Variants in HIPK2 observed in about 807,000 individuals in gnomAD.
The protein encoded by HIPK2 is homeodomain interacting protein kinase 2.
In HIPK2, 27 loss-of-function variants were observed where a neutral mutation model predicts 113.7. The ratio of observed to expected loss-of-function variants is 0.24; its 90% CI spans 0.17 to 0.33. HIPK2 has a LOEUF of 0.33. HIPK2 is among the 10% of genes least tolerant of loss of function. The pLI is 1.00. For missense variants in HIPK2, 1,257 were observed against 1,588.0 expected, an observed-to-expected ratio of 0.79 and a Z score of 3.54; for synonymous variants, 631 against 642.2, an observed-to-expected ratio of 0.98 and a Z score of 0.26.
At chr7:139,773,038 G>A (rs10228830) in intron 1 of HIPK2, among the ~76,000 whole-genome samples, 15,569 of 152,064 alleles carry the variant, frequency 0.1, 2,631 homozygotes, top group African/African-American at 0.36. Flanking sequence ...TGTAAAGTCA[G>A]GGACAGGGAT....
At chr7:139,645,676 A>T (rs529509994) in intron 2 of HIPK2, among the ~76,000 whole-genome samples, 2 of 152,180 alleles carry the variant, frequency 1.3e-5, no homozygotes, top group Non-Finnish European at 2.9e-5. Flanking sequence ...GAGGGGAGCC[A>T]GGTGGATGAG....
At chr7:139,737,232 G>T (rs984495634) in intron 1 of HIPK2, among the ~76,000 whole-genome samples, 1 of 152,188 alleles carries the variant, frequency 6.6e-6, no homozygotes, top group South Asian at 2.1e-4. Flanking sequence ...ACAAAAAGGT[G>T]GGAGGACGTA....
chr7:139,561,619 C>T lies in HIPK2; in HGVS notation c.*11308G>A, dbSNP rs900494262. The T allele has an allele frequency of 2.0e-5, 3 of 152,108 alleles. No individual in the cohort carries two copies. Among genetic ancestry groups the T allele is most frequent in the African/African-American group, 4.8e-5 (2 of 41,412 alleles). The allele number at this position is 152,108 out of a possible 1,614,324, so 9.4% of individuals were successfully genotyped here. Reference sequence around the variant, plus strand: ...GTAATTCCAAGACAAAGTGTGATTACATTTCTACACATATACAATATGCAT... The same window carrying T: ...GTAATTCCAAGACAAAGTGTGATTATATTTCTACACATATACAATATGCAT... On this transcript the variant is annotated 3_prime_UTR_variant, in exon 15 of 15. Coordinates refer to ENST00000406875, the MANE Select transcript of HIPK2 (RefSeq NM_022740.5).
At chr7:139,698,606 T>C (rs1794626112) in intron 2 of HIPK2, among the ~76,000 whole-genome samples, 1 of 152,220 alleles carries the variant, frequency 6.6e-6, no homozygotes, top group East Asian at 1.9e-4. Flanking sequence ...AAAAAGTTAT[T>C]TTAAACATAA....
intron 9 of HIPK2, among the ~76,000 whole-genome samples, chr7:139,606,339 A>C (rs1339417438): frequency 6.6e-6 from 1 of 152,204 alleles, no homozygotes; most frequent in African/African-American, 2.4e-5. Flanking sequence ...AAGATTAATA[A>C]ATTGAGACAC....
In HIPK2 at chr7:139,570,365, C is replaced by T. The variant is rs1240075668; in HGVS notation, c.*2562G>A. 2 of 152,206 alleles carry T rather than the reference C, an allele frequency of 1.3e-5. No homozygotes were observed. The highest frequency in any genetic ancestry group is 2.9e-5 in the Non-Finnish European group (2 of 68,084). 9.4% of individuals were successfully genotyped at this position (152,206 alleles called of 1,614,324 possible). On this transcript the variant is annotated 3_prime_UTR_variant, in exon 15 of 15. Transcript: ENST00000406875. Reference sequence around the variant, plus strand: ...TGAACTGACCATTGTCCTGCTGTCTCAGAGGGCTGCGCTTCCCCACCTCCA... The same window carrying T: ...TGAACTGACCATTGTCCTGCTGTCTTAGAGGGCTGCGCTTCCCCACCTCCA...
At chr7:139,577,506 G>A (rs925603041) in intron 13 of HIPK2, among the ~76,000 whole-genome samples, 16 of 152,134 alleles carry the variant, frequency 1.1e-4, no homozygotes, top group Admixed American at 1.0e-3. Flanking sequence ...AGTGTGGGAG[G>A]CAGAAAATTC....
chr7:139,721,611 T>C (rs1039482441), intron 1 of HIPK2, among the ~76,000 whole-genome samples: 1 of 152,226 alleles, frequency 6.6e-6, no homozygotes, highest in Non-Finnish European at 1.5e-5. Flanking sequence ...TTTGTCAATA[T>C]CCTTTTCAGG....
chr7:139,712,316 C>T (rs967197635), intron 2 of HIPK2, among the ~76,000 whole-genome samples: 9 of 152,306 alleles, frequency 5.9e-5, no homozygotes, highest in African/African-American at 2.2e-4. Flanking sequence ...TCCAAGTCCC[C>T]AAGGCGAGGA....
chr7:139,586,405 G>A (rs1036896019), intron 12 of HIPK2, among the ~76,000 whole-genome samples: 3 of 152,128 alleles, frequency 2.0e-5, no homozygotes, highest in Admixed American at 6.5e-5. Context: ...GAAACGACCC[G>A]AGTGTCCATC....
In HIPK2 at chr7:139,704,058, A is replaced by AC. The variant is rs1554447551; in HGVS notation, c.1103+11873dup. Among the ~76,000 whole-genome samples, 33 of 89,024 alleles carry AC rather than the reference A, an allele frequency of 3.7e-4. 1 individual carries two copies. Among genetic ancestry groups the AC allele is most frequent in the South Asian group, 8.6e-4 (2 of 2,336 alleles). 58.4% of individuals were successfully genotyped at this position (89,024 alleles called of 152,430 possible). The stretch of plus-strand genomic sequence containing the variant: ...TATCCAACATACACACCCAACACAC[A>AC]CACACCCAACACATGCACCCCCTCC... On this transcript the variant is annotated intron_variant, in intron 2 of 14. Coordinates refer to ENST00000406875, the MANE Select transcript of HIPK2 (RefSeq NM_022740.5).
chr7:139,678,343 A>G (rs776078879), intron 2 of HIPK2, among the ~76,000 whole-genome samples: 48 of 151,366 alleles, frequency 3.2e-4, no homozygotes, highest in Non-Finnish European at 6.4e-4. Flanking sequence ...TAGGGTTTTT[A>G]TATTTTTGTA....
intron 1 of HIPK2, among the ~76,000 whole-genome samples, chr7:139,739,893 A>G (rs1472072731): frequency 1.3e-5 from 2 of 152,282 alleles, no homozygotes; most frequent in East Asian, 3.9e-4. Flanking sequence ...TCAACATTCC[A>G]TTCCCTTTTA....
chr7:139,620,144 G>C (rs1287679292), intron 7 of HIPK2, among the ~76,000 whole-genome samples: 1 of 152,162 alleles, frequency 6.6e-6, no homozygotes, highest in Non-Finnish European at 1.5e-5. Context: ...CATCAGGACA[G>C]AGGAAAGCAG....
intron 2 of HIPK2, among the ~76,000 whole-genome samples, chr7:139,693,721 G>GAA (rs34589503): frequency 5.1e-5 from 7 of 138,408 alleles, no homozygotes; most frequent in African/African-American, 1.1e-4. Context: ...TTTTTGTCCA[G>GAA]AAAAAAAAAA....
At chr7:139,639,085 C>A (rs1385122213) in intron 2 of HIPK2, among the ~76,000 whole-genome samples, 1 of 152,222 alleles carries the variant, frequency 6.6e-6, no homozygotes, top group Non-Finnish European at 1.5e-5. Flanking sequence ...TCGTAAACAG[C>A]TGCTCAACAC....
rs1204389806 is a variant in HIPK2 at position 139,584,139 on chromosome 7, T to TGGGGC, written c.2718-80_2718-76dup. 3 of 1,523,256 alleles carry TGGGGC rather than the reference T, an allele frequency of 2.0e-6. No individual in the cohort carries two copies. The African/African-American group carries it at 4.2e-5, about 21-fold the overall frequency. The allele number at this position is 1,523,256 out of a possible 1,614,324, so 94.4% of individuals were successfully genotyped here. A position where few individuals can be genotyped will look rare whatever the true frequency, so the allele number is the denominator to read the frequency against. On this transcript the variant is annotated intron_variant, in intron 12 of 14. Transcript: ENST00000406875. ...GACACCCAACTAGCACTTCATGCCC[T>TGGGGC]GGGGCAGGGGAGGGAGGCAGAGGGG...
At chr7:139,740,886 C>T (rs974052947) in intron 1 of HIPK2, among the ~76,000 whole-genome samples, 1 of 152,170 alleles carries the variant, frequency 6.6e-6, no homozygotes, top group African/African-American at 2.4e-5. Context: ...GTGGCTCATG[C>T]CTATAATCCC....
chr7:139,651,184 A>C (rs1246361892), intron 2 of HIPK2, among the ~76,000 whole-genome samples: 1 of 152,114 alleles, frequency 6.6e-6, no homozygotes, highest in Non-Finnish European at 1.5e-5. Context: ...CCCTGCCCTG[A>C]TGGGAACCAA....
Sources: gnomAD v4.1 joint callset for allele counts (sites outside exome capture counted in the v4.1 genomes callset) on GRCh38, gnomAD v4.1.1 for gene constraint, MANE v1.5 for transcripts, NCBI Gene and HGNC (gene_info 2026-07-23, HGNC 2026-07-21) for gene names.